The following RBM26 variants were observed in gnomAD, a reference collection of about 807,000 sequenced individuals.
RBM26 encodes RNA binding motif protein 26, also known as RNA-binding protein 26.
In RBM26, 30 loss-of-function variants were observed where a neutral mutation model predicts 123.6. That is an observed-to-expected ratio of 0.24 (90% CI 0.18 to 0.33). The LOEUF (loss-of-function observed/expected upper bound fraction) is 0.33, where lower values mean the gene tolerates loss of function less well. Ranked by LOEUF, RBM26 falls within the 10% of genes least tolerant of loss-of-function variation. RBM26 has a pLI of 1.00. For missense variants in RBM26, 947 were observed against 1,203.6 expected (o/e 0.79, Z 3.15); for synonymous variants, 400 against 404.4 (o/e 0.99, Z 0.13).
At chr13:79,325,348 A>G (rs148979178) in intron 20 of RBM26, among the ~76,000 whole-genome samples, 82 of 152,196 alleles carry the variant, frequency 5.4e-4, no homozygotes, top group African/African-American at 2.0e-3. Flanking sequence ...TAATACACAC[A>G]TTGCCTATGA....
At position 79,348,463 on chromosome 13, in the gene RBM26, G is replaced by T. The variant is rs368475158; in HGVS notation, c.2059-3669C>A. Among the ~76,000 whole-genome samples the T allele has an allele frequency of 2.0e-5, 3 of 152,036 alleles. No homozygotes were observed. The East Asian group carries it at 5.8e-4, about 29-fold the overall frequency. On this transcript the variant is annotated intron_variant, in intron 14 of 21. Transcript: ENST00000438737. ...TGTTTTTCATAGATAAGAATGGAAG[G>T]GAAAAAGTATTTTGTAAAATTAAGT...
At chr13:79,382,679 G>A (rs143708104) in intron 1 of RBM26, among the ~76,000 whole-genome samples, 5 of 152,166 alleles carry the variant, frequency 3.3e-5, no homozygotes, top group East Asian at 1.9e-4. Context: ...TTTAGTAAAC[G>A]GTTAAGTTAA....
chr13:79,372,465 A>G (rs2075997461), intron 3 of RBM26, among the ~76,000 whole-genome samples: 1 of 151,780 alleles, frequency 6.6e-6, no homozygotes, highest in Non-Finnish European at 1.5e-5. Flanking sequence ...ACTAAGTATA[A>G]TCATTTAACT....
At chr13:79,358,030 C>G (rs2074243515) in intron 11 of RBM26, among the ~76,000 whole-genome samples, 1 of 151,904 alleles carries the variant, frequency 6.6e-6, no homozygotes, top group Non-Finnish European at 1.5e-5. Context: ...TTACAGGTGC[C>G]TGCCACCACA....
chr13:79,344,847 C>T, intron 14 of RBM26, 53 bp from the exon 15 acceptor site: 2 of 1,563,614 alleles, frequency 1.3e-6, no homozygotes, highest in South Asian at 2.3e-5. Flanking sequence ...TCATGATATC[C>T]TATTTTCTAT....
intron 1 of RBM26, among the ~76,000 whole-genome samples, chr13:79,382,717 G>A (rs1339599290): frequency 1.3e-5 from 2 of 152,228 alleles, no homozygotes; most frequent in African/African-American, 4.8e-5. Flanking sequence ...AATGGCTGGG[G>A]GGGAAACATA....
intron 11 of RBM26, 24 bp from the exon 12 acceptor site, chr13:79,355,408 A>C: frequency 1.3e-6 from 2 of 1,594,734 alleles, no homozygotes; most frequent in South Asian, 2.2e-5. Context: ...TATTAAGAAC[A>C]GTGAATTTCC....
At chr13:79,344,938 G>A (rs532338556) in intron 14 of RBM26, 144 bp from the exon 15 acceptor site, 18 of 682,212 alleles carry the variant, frequency 2.6e-5, no homozygotes, top group South Asian at 8.0e-5. Flanking sequence ...TTATAATAAC[G>A]AAATCATATT....
At chr13:79,349,751 G>A (rs961776334) in intron 14 of RBM26, among the ~76,000 whole-genome samples, 1 of 151,330 alleles carries the variant, frequency 6.6e-6, no homozygotes, top group African/African-American at 2.4e-5. Flanking sequence ...CCAGGCTGGG[G>A]TGCAGTGGCG....
intron 1 of RBM26, among the ~76,000 whole-genome samples, chr13:79,381,154 A>G (rs1301733449): frequency 6.6e-6 from 1 of 152,074 alleles, no homozygotes; most frequent in Non-Finnish European, 1.5e-5. Context: ...CTTTACTGAT[A>G]AAGAAACTGA....
intron 2 of RBM26, 108 bp downstream of exon 2, chr13:79,378,681 C>T (rs1008089897): frequency 7.0e-6 from 4 of 568,648 alleles, no homozygotes; most frequent in Non-Finnish European, 1.2e-5. Flanking sequence ...CTCAGGTGAT[C>T]CACCCACCTC....
chr13:79,350,020 CA>C (rs926198007), intron 14 of RBM26, among the ~76,000 whole-genome samples: 50 of 152,082 alleles, frequency 3.3e-4, no homozygotes, highest in African/African-American at 1.2e-3. Context: ...TTTTAACTAG[CA>C]AAGTTACACA....
intron 3 of RBM26, among the ~76,000 whole-genome samples, chr13:79,373,421 T>A (rs2076251439): frequency 9.5e-5 from 1 of 10,578 alleles, no homozygotes; most frequent in Non-Finnish European, 1.4e-4. Context: ...TATATATAAA[T>A]AAAATATAAA....
At chr13:79,356,194 T>A (rs1037202382) in intron 11 of RBM26, among the ~76,000 whole-genome samples, 14 of 151,854 alleles carry the variant, frequency 9.2e-5, no homozygotes, top group African/African-American at 3.4e-4. Flanking sequence ...AAGACCCCAC[T>A]GGTACAAATA....
intron 1 of RBM26, among the ~76,000 whole-genome samples, chr13:79,401,207 T>G (rs1279585546): frequency 6.6e-6 from 1 of 152,162 alleles, no homozygotes. Flanking sequence ...AAAGGTGTAG[T>G]AACAAGTACA....
chr13:79,380,811 C>G (rs573247390), intron 1 of RBM26, among the ~76,000 whole-genome samples: 1 of 152,184 alleles, frequency 6.6e-6, no homozygotes, highest in Non-Finnish European at 1.5e-5. Context: ...AACCACTATT[C>G]TACTTTCTAC....
chr13:79,337,409 T>G, intron 18 of RBM26, 107 bp from the exon 19 acceptor site: 1 of 1,241,888 alleles, frequency 8.1e-7, no homozygotes, highest in Admixed American at 2.0e-5. Flanking sequence ...TGACAATGTA[T>G]TCAAATGCCC....
chr13:79,404,547 C>T (rs1185093492), intron 1 of RBM26, among the ~76,000 whole-genome samples: 1 of 152,196 alleles, frequency 6.6e-6, no homozygotes, highest in Non-Finnish European at 1.5e-5. Context: ...AACTTGTTGC[C>T]TTTATATCCT....
At chr13:79,357,718 A>C (rs547601169) in intron 11 of RBM26, among the ~76,000 whole-genome samples, 57 of 152,286 alleles carry the variant, frequency 3.7e-4, no homozygotes, top group Non-Finnish European at 6.9e-4. Context: ...AACTATTGTA[A>C]GATTGGATTT....
Sources: allele counts gnomAD v4.1 joint callset (sites outside exome capture counted in the v4.1 genomes callset), GRCh38; gene constraint gnomAD v4.1.1; transcripts MANE v1.5; gene names NCBI Gene and HGNC (gene_info 2026-07-23, HGNC 2026-07-21).